Variants in BCKDHB observed in about 807,000 individuals in gnomAD.
BCKDHB encodes the protein branched chain keto acid dehydrogenase E1 subunit beta, also known as 2-oxoisovalerate dehydrogenase subunit beta, mitochondrial.
Under a neutral mutation model 48.5 loss-of-function variants are expected in BCKDHB, and 41 were observed. The observed-to-expected ratio is 0.85, with a 90% CI of 0.66 to 1.10. The LOEUF (loss-of-function observed/expected upper bound fraction) is 1.10, where lower values mean the gene tolerates loss of function less well. BCKDHB is among the 50% of genes least tolerant of loss of function. BCKDHB has a pLI of 0.00. For missense variants in BCKDHB, 496 were observed against 494.2 expected, an observed-to-expected ratio of 1.00 and a Z score of -0.03; for synonymous variants, 201 against 174.8, an observed-to-expected ratio of 1.15 and a Z score of -1.18.
chr6:80,224,856 G>T (rs558941725), intron 8 of BCKDHB, among the ~76,000 whole-genome samples: 97 of 152,330 alleles, frequency 6.4e-4, no homozygotes, highest in African/African-American at 2.3e-3. Context: ...AAGCCACGCA[G>T]TTCATCTCCC....
At chr6:80,192,932 C>T (rs1434748637) in intron 6 of BCKDHB, among the ~76,000 whole-genome samples, 1 of 151,510 alleles carries the variant, frequency 6.6e-6, no homozygotes, top group African/African-American at 2.4e-5. Flanking sequence ...GATTCTTATG[C>T]CTCAGTCTCC....
chr6:80,221,681 A>G (rs558197277), intron 8 of BCKDHB, among the ~76,000 whole-genome samples: 2 of 152,192 alleles, frequency 1.3e-5, no homozygotes, highest in African/African-American at 2.4e-5. Flanking sequence ...ATGATAGCAG[A>G]CATTAAATGT....
intron 9 of BCKDHB, among the ~76,000 whole-genome samples, chr6:80,296,213 T>C (rs1359537759): frequency 6.6e-6 from 1 of 152,200 alleles, no homozygotes; most frequent in Non-Finnish European, 1.5e-5. Context: ...TAAGTGCACC[T>C]GTCAAAGTCT....
At chr6:80,169,191 T>C (rs1489045465) in intron 5 of BCKDHB, among the ~76,000 whole-genome samples, 161 bp downstream of exon 5, 3 of 152,240 alleles carry the variant, frequency 2.0e-5, no homozygotes, top group Non-Finnish European at 4.4e-5. Context: ...GCAGTTCTTT[T>C]AAGTATGCTA....
chr6:80,342,857 G>C (rs909334070), intron 9 of BCKDHB, among the ~76,000 whole-genome samples: 5 of 152,126 alleles, frequency 3.3e-5, no homozygotes, highest in Admixed American at 2.6e-4. Context: ...ATTTTCTACA[G>C]TGTTCTACTG....
intron 8 of BCKDHB, among the ~76,000 whole-genome samples, chr6:80,224,821 G>A (rs1775611457): frequency 6.6e-6 from 1 of 152,198 alleles, no homozygotes; most frequent in South Asian, 2.1e-4. Flanking sequence ...AAGTTTTGAA[G>A]TAGCCAAAAG....
At chr6:80,464,460 TACTA>T in the BCKDHB span, among the ~76,000 whole-genome samples, 1 of 152,120 alleles carries the variant, frequency 6.6e-6, no homozygotes, top group Admixed American at 6.5e-5. Context: ...CACTTAGCTC[TACTA>T]ATTATTATTT....
chr6:80,387,208 G>A, the BCKDHB span, among the ~76,000 whole-genome samples: 1 of 152,058 alleles, frequency 6.6e-6, no homozygotes, highest in African/African-American at 2.4e-5. Flanking sequence ...TGGGTTCCTG[G>A]ACTCATCCTG....
intron 8 of BCKDHB, among the ~76,000 whole-genome samples, chr6:80,272,578 C>G (rs1406793453): frequency 6.6e-6 from 1 of 152,152 alleles, no homozygotes; most frequent in East Asian, 1.9e-4. Context: ...ACATTTTACC[C>G]TTAAAATAGA....
chr6:80,143,548 T>C (rs1238071580), intron 3 of BCKDHB, among the ~76,000 whole-genome samples: 2 of 152,180 alleles, frequency 1.3e-5, no homozygotes, highest in Non-Finnish European at 2.9e-5. Flanking sequence ...TAGAGCACAG[T>C]GCTTTGTTTT....
intron 8 of BCKDHB, among the ~76,000 whole-genome samples, chr6:80,249,867 G>A (rs1036891428): frequency 6.6e-6 from 1 of 152,152 alleles, no homozygotes; most frequent in African/African-American, 2.4e-5. Context: ...AAATAACTCA[G>A]ATTTTAAAGA....
the BCKDHB span, among the ~76,000 whole-genome samples, chr6:80,388,143 C>T: frequency 6.6e-6 from 1 of 152,150 alleles, no homozygotes; most frequent in Non-Finnish European, 1.5e-5. Flanking sequence ...GTTACTCTGG[C>T]CCATTTATTG....
intron 9 of BCKDHB, among the ~76,000 whole-genome samples, chr6:80,278,004 C>CT (rs1033313622): frequency 5.3e-5 from 8 of 152,046 alleles, no homozygotes; most frequent in African/African-American, 1.9e-4. Flanking sequence ...TTTCCAAGCA[C>CT]TTTGTTTAAA....
chr6:80,407,539 G>T, the BCKDHB span, among the ~76,000 whole-genome samples: 1 of 152,180 alleles, frequency 6.6e-6, no homozygotes. Context: ...TCATTGAGCA[G>T]TGGTTTGTAG....
At chr6:80,272,822 A>G (rs186778538) in intron 8 of BCKDHB, among the ~76,000 whole-genome samples, 10 of 152,336 alleles carry the variant, frequency 6.6e-5, no homozygotes, top group African/African-American at 2.2e-4. Context: ...TATGAAATAC[A>G]GCAATTCAGT....
intron 8 of BCKDHB, among the ~76,000 whole-genome samples, chr6:80,259,562 T>C (rs1582457168): frequency 1.3e-5 from 2 of 152,268 alleles, no homozygotes; most frequent in East Asian, 3.9e-4. Context: ...TCATACAATT[T>C]TATAGTAGAT....
At chr6:80,427,523 A>C in the BCKDHB span, among the ~76,000 whole-genome samples, 1 of 152,122 alleles carries the variant, frequency 6.6e-6, no homozygotes, top group Non-Finnish European at 1.5e-5. Flanking sequence ...AAGACTTTAC[A>C]TTTATCCACA....
chr6:80,127,726 A>C, intron 2 of BCKDHB, 102 bp downstream of exon 2: 1 of 1,077,068 alleles, frequency 9.3e-7, no homozygotes, highest in East Asian at 2.4e-5. Context: ...CATTGTATCT[A>C]CCTGACATTT....
chr6:80,325,306 C>T (rs2128004954), intron 9 of BCKDHB, among the ~76,000 whole-genome samples: 1 of 152,190 alleles, frequency 6.6e-6, no homozygotes, highest in African/African-American at 2.4e-5. Context: ...GAATCTAGGA[C>T]TTCTATAATT....
Sources: allele counts gnomAD v4.1 joint callset (sites outside exome capture counted in the v4.1 genomes callset), GRCh38; gene constraint gnomAD v4.1.1; transcripts MANE v1.5; gene names NCBI Gene and HGNC (gene_info 2026-07-23, HGNC 2026-07-21).